The following ISM2 variants were observed in gnomAD, a reference collection of about 807,000 sequenced individuals.
ISM2 encodes isthmin-2.
Under a neutral mutation model 58.0 loss-of-function variants are expected in ISM2, and 50 were observed. That is an observed-to-expected ratio of 0.86 (90% CI 0.69 to 1.09). The LOEUF (loss-of-function observed/expected upper bound fraction) is 1.09. Ranked by LOEUF, ISM2 falls within the 50% of genes least tolerant of loss-of-function variation. The pLI is 0.00. For synonymous variants in ISM2, 303 were observed against 312.4 expected (o/e 0.97, Z 0.32); for missense variants, 723 against 745.0 (o/e 0.97, Z 0.34).
chr14:77,482,235 G>A (rs2079136276), intron 4 of ISM2, 87 bp downstream of exon 4: 5 of 972,524 alleles, frequency 5.1e-6, no homozygotes, highest in Non-Finnish European at 7.7e-6. Context: ...GGTCTTGCCT[G>A]GGAAGCCTCC....
chr14:77,490,968 C>T (rs1377755378), intron 1 of ISM2, among the ~76,000 whole-genome samples: 3 of 152,258 alleles, frequency 2.0e-5, no homozygotes, highest in African/African-American at 4.8e-5. Context: ...TGGCACCACA[C>T]AGACCTAGGT....
chr14:77,485,663 C>A (rs569313044), intron 1 of ISM2, among the ~76,000 whole-genome samples: 165 of 152,370 alleles, frequency 1.1e-3, no homozygotes, highest in African/African-American at 3.7e-3. Context: ...GTGGCTGCCA[C>A]CTGCCTCCAG....
At chr14:77,498,563 C>T (rs2079263142) in intron 1 of ISM2, 90 bp downstream of exon 1, 3 of 1,387,172 alleles carry the variant, frequency 2.2e-6, no homozygotes, top group African/African-American at 1.5e-5. Flanking sequence ...CTGTGTGTGT[C>T]CCGGTCCCGC....
At chr14:77,492,911 CT>C in intron 1 of ISM2, among the ~76,000 whole-genome samples, 1 of 152,176 alleles carries the variant, frequency 6.6e-6, no homozygotes, top group Middle Eastern at 3.4e-3. Flanking sequence ...AGGAGAATCG[CT>C]TGAGCCTGGG....
In ISM2 at chr14:77,489,551, T is replaced by C. The variant is rs2079188331; in HGVS notation, c.142-4632A>G. Among the ~76,000 whole-genome samples the C allele has an allele frequency of 2.1e-5, 2 of 96,404 alleles. 1 individual carries two copies. Among genetic ancestry groups the C allele is most frequent in the South Asian group, 9.3e-4 (2 of 2,158 alleles). The allele number at this position is 96,404 out of a possible 152,430, so 63.2% of individuals were successfully genotyped here. A position where few individuals can be genotyped will look rare whatever the true frequency, so the allele number is the denominator to read the frequency against. On this transcript the variant is annotated intron_variant, in intron 1 of 6. Transcript: ENST00000342219. ...TACCTTCCTGATTGGTAAGTACTAT[T>C]CTTTTTTTTTAAGACTGGGTCTTGC... is the stretch of plus-strand genomic sequence containing the variant.
At chr14:77,484,258 C>T in intron 3 of ISM2, 65 bp downstream of exon 3, 1 of 1,570,156 alleles carries the variant, frequency 6.4e-7, no homozygotes. Flanking sequence ...TATCCTGAGC[C>T]CACCTTGTCA....
chr14:77,484,799 C>T lies in ISM2; in HGVS notation c.262G>A (p.Ala88Thr), dbSNP rs530351033. The T allele has an allele frequency of 1.3e-5, 21 of 1,611,626 alleles. 1 individual carries two copies. The East Asian group carries it at 4.5e-4, about 34-fold the overall frequency. The change falls in exon 2 of 7, where the codon GCC becomes ACC. Residue 88 changes from alanine (A) to threonine (T), a missense_variant. Transcript: ENST00000342219. ...HGCWTVTEPA[A>T]MTPGNATPPR... ...GGGGTGGCGTTGCCTGGGGTCATGGCTGCTGGCTCAGTGACAGTCCAGCAT... is the reference window on the plus strand; with the variant it reads ...GGGGTGGCGTTGCCTGGGGTCATGGTTGCTGGCTCAGTGACAGTCCAGCAT...
intron 1 of ISM2, 41 bp downstream of exon 1, chr14:77,498,612 A>G: frequency 7.1e-7 from 1 of 1,406,294 alleles, no homozygotes; most frequent in South Asian, 1.5e-5. Context: ...GGGAGGTGGG[A>G]CCGACAGCGC....
intron 1 of ISM2, among the ~76,000 whole-genome samples, chr14:77,490,975 AG>A (rs1242339073): frequency 1.7e-4 from 26 of 152,244 alleles, no homozygotes; most frequent in Non-Finnish European, 3.2e-4. Context: ...ACACAGACCT[AG>A]GTTCTAGTTC....
chr14:77,480,362 G>A (rs556238258), intron 4 of ISM2, among the ~76,000 whole-genome samples: 1 of 151,908 alleles, frequency 6.6e-6, no homozygotes, highest in South Asian at 2.1e-4. Flanking sequence ...TCTGATCTGA[G>A]GGAGCTGAAA....
chr14:77,488,303 G>C (rs977025485), intron 1 of ISM2, among the ~76,000 whole-genome samples: 4 of 152,200 alleles, frequency 2.6e-5, no homozygotes, highest in Non-Finnish European at 5.9e-5. Flanking sequence ...GAGGCTCAGG[G>C]AGGGTAGGGA....
chr14:77,488,207 C>T (rs567121473), intron 1 of ISM2, among the ~76,000 whole-genome samples: 44 of 152,254 alleles, frequency 2.9e-4, no homozygotes, highest in Non-Finnish European at 5.7e-4. Flanking sequence ...TATAGGAGCC[C>T]GATAAATCAC....
At chr14:77,497,367 CAA>C (rs35676781) in intron 1 of ISM2, among the ~76,000 whole-genome samples, 19 of 64,756 alleles carry the variant, frequency 2.9e-4, no homozygotes, top group South Asian at 1.4e-3. Flanking sequence ...GGCTCTGTCT[CAA>C]AAAAAAAAAA....
At chr14:77,496,507 G>C (rs1202725455) in intron 1 of ISM2, among the ~76,000 whole-genome samples, 1 of 151,684 alleles carries the variant, frequency 6.6e-6, no homozygotes, top group Non-Finnish European at 1.5e-5. Context: ...AAAATAGCCG[G>C]GCGTGGCGGC....
chr14:77,493,202 C>T (rs979993356), intron 1 of ISM2, among the ~76,000 whole-genome samples: 1 of 152,050 alleles, frequency 6.6e-6, no homozygotes, highest in Admixed American at 6.6e-5. Context: ...CTCCATGTTG[C>T]CCAGGCTGAT....
At position 77,486,593 on chromosome 14, in the gene ISM2, CCTAA is replaced by C. The variant is rs570827112; in HGVS notation, c.142-1678_142-1675del. The stretch of plus-strand genomic sequence containing the variant: ...CTCCCACCCACAATTCCACCAAAGC[CCTAA>C]CTGTGCCTGTGACTTTGCTCAGCAT... On this transcript the variant is annotated intron_variant, in intron 1 of 6. Coordinates refer to ENST00000342219, the MANE Select transcript of ISM2 (RefSeq NM_199296.3). 4.5e-3 allele frequency among the ~76,000 whole-genome samples: 681 copies of C among 152,312 alleles called. 2 individuals carry two copies. The highest frequency in any genetic ancestry group is 0.027 in the Middle Eastern group (8 of 294).
intron 6 of ISM2, among the ~76,000 whole-genome samples, chr14:77,477,417 G>A (rs2079105278): frequency 6.6e-6 from 1 of 152,182 alleles, no homozygotes; most frequent in Non-Finnish European, 1.5e-5. Context: ...TCCAGATGCT[G>A]GGATTTGGGT....
rs777275499 is a variant in ISM2 at position 77,475,888 on chromosome 14, A to G, written c.1423T>C (p.Cys475Arg). 1.9e-6 allele frequency: 3 copies of G among 1,604,846 alleles called. No individual in the cohort carries two copies. Residue 475 changes from cysteine to arginine, a missense_variant, in exon 7 of 7, where the codon TGC becomes CGC. By Grantham distance (180) the Cys-to-Arg change is radical. Coordinates refer to ENST00000342219, the MANE Select transcript of ISM2 (RefSeq NM_199296.3). The surrounding 1 kb of genome is among the most constrained non-coding windows in gnomAD (Gnocchi z 4.1). ...LDIYQPTARFCLRSMLSGESS... is the reference protein window; with the variant it reads ...LDIYQPTARFRLRSMLSGESS... Reference sequence around the variant, plus strand: ...TCCCCAGACAGCATGGAACGCAGGCAGAAGCGCGCCGTGGGCTGGTAGATG... The same window carrying G: ...TCCCCAGACAGCATGGAACGCAGGCGGAAGCGCGCCGTGGGCTGGTAGATG...
At chr14:77,489,292 C>T (rs2079186663) in intron 1 of ISM2, among the ~76,000 whole-genome samples, 1 of 152,188 alleles carries the variant, frequency 6.6e-6, no homozygotes, top group African/African-American at 2.4e-5. Context: ...CTCCTGAAGC[C>T]CAGGCCCAAC....
Sources: gnomAD v4.1 joint callset for allele counts (sites outside exome capture counted in the v4.1 genomes callset) on GRCh38, gnomAD v4.1.1 for gene constraint, Gnocchi (gnomAD v3.1) non-coding constraint, MANE v1.5 for transcripts, NCBI Gene and HGNC (gene_info 2026-07-23, HGNC 2026-07-21) for gene names.